Variants in OXR1 observed in about 807,000 individuals in gnomAD.
OXR1 encodes oxidation resistance protein 1.
Under a neutral mutation model 104.6 loss-of-function variants are expected in OXR1, and 41 were observed. The ratio of observed to expected loss-of-function variants is 0.39; its 90% CI spans 0.31 to 0.51. The LOEUF (loss-of-function observed/expected upper bound fraction) is 0.51, where lower values mean the gene tolerates loss of function less well. Among genes scored for constraint, OXR1 ranks in the 20% least tolerant of loss-of-function variants. The pLI is 0.77. For synonymous variants in OXR1, 348 were observed against 348.4 expected (o/e 1.00, Z 0.01); for missense variants, 955 against 1,031.9 (o/e 0.93, Z 1.02).
At chr8:106,434,961 A>G (rs1419869476) in intron 2 of OXR1, among the ~76,000 whole-genome samples, 2 of 152,136 alleles carry the variant, frequency 1.3e-5, no homozygotes, top group African/African-American at 2.4e-5. Context: ...GACCATTGCT[A>G]TGAAGCATAT....
chr8:106,676,567 G>A (rs1193061090), intron 3 of OXR1, among the ~76,000 whole-genome samples: 1 of 152,058 alleles, frequency 6.6e-6, no homozygotes, highest in South Asian at 2.1e-4. Flanking sequence ...AGTTTGGCCA[G>A]ATGTGAAATT....
At chr8:106,427,633 A>G (rs936444035) in intron 2 of OXR1, among the ~76,000 whole-genome samples, 5 of 152,166 alleles carry the variant, frequency 3.3e-5, no homozygotes, top group African/African-American at 1.2e-4. Context: ...TTAGCATAGG[A>G]ATATTAATTT....
intron 1 of OXR1, among the ~76,000 whole-genome samples, chr8:106,350,223 T>C (rs1467369321): frequency 3.3e-5 from 5 of 152,202 alleles, no homozygotes; most frequent in South Asian, 2.1e-4. Flanking sequence ...AAGTTGTCTT[T>C]ATAGTTCATA....
chr8:106,331,032 A>C (rs1814693512), intron 1 of OXR1, among the ~76,000 whole-genome samples: 1 of 152,214 alleles, frequency 6.6e-6, no homozygotes, highest in Non-Finnish European at 1.5e-5. Flanking sequence ...TTCATATTAG[A>C]ATTACTTTAT....
chr8:106,657,702 C>G, intron 3 of OXR1: 1 of 411,230 alleles, frequency 2.4e-6, no homozygotes, highest in South Asian at 1.2e-4. Context: ...GAAGAATACA[C>G]CTATGTGACA....
intron 1 of OXR1, among the ~76,000 whole-genome samples, chr8:106,350,037 G>A (rs1265008990): frequency 6.6e-6 from 1 of 152,164 alleles, no homozygotes; most frequent in East Asian, 1.9e-4. Flanking sequence ...TGAATACAGG[G>A]AAGAAGTGAG....
chr8:106,415,745 C>T (rs75231488), intron 2 of OXR1, among the ~76,000 whole-genome samples: 2 of 152,026 alleles, frequency 1.3e-5, no homozygotes, highest in Non-Finnish European at 2.9e-5. Context: ...ATTTTTGCCT[C>T]TTTGTCTGCA....
At chr8:106,720,409 C>A (rs1168152487) in intron 11 of OXR1, among the ~76,000 whole-genome samples, 3 of 152,110 alleles carry the variant, frequency 2.0e-5, no homozygotes, top group Non-Finnish European at 2.9e-5. Context: ...TTGTGTTAAA[C>A]ATATACAATA....
chr8:106,319,227 C>T (rs1563715417), intron 1 of OXR1, among the ~76,000 whole-genome samples: 1 of 152,184 alleles, frequency 6.6e-6, no homozygotes, highest in African/African-American at 2.4e-5. Context: ...AGCCTTCTGT[C>T]TAGCAGATAG....
chr8:106,571,954 C>T (rs745318406), intron 3 of OXR1, among the ~76,000 whole-genome samples: 31 of 152,154 alleles, frequency 2.0e-4, no homozygotes, highest in Non-Finnish European at 3.4e-4. Flanking sequence ...ATGCTCTGCC[C>T]TCCAGGTAGA....
intron 2 of OXR1, among the ~76,000 whole-genome samples, chr8:106,387,819 G>C (rs1164346932): frequency 6.6e-6 from 1 of 152,172 alleles, no homozygotes; most frequent in Non-Finnish European, 1.5e-5. Flanking sequence ...CTCTTGAGTA[G>C]TATGCATCAC....
chr8:106,284,163 T>C (rs1812399985), intron 1 of OXR1, among the ~76,000 whole-genome samples: 1 of 151,976 alleles, frequency 6.6e-6, no homozygotes, highest in Non-Finnish European at 1.5e-5. Flanking sequence ...GGATGTCAGT[T>C]AGACTACCTG....
intron 1 of OXR1, 131 bp downstream of exon 1, chr8:106,270,498 C>G (rs1488085156): frequency 3.9e-5 from 6 of 152,540 alleles, no homozygotes; most frequent in African/African-American, 1.4e-4. Flanking sequence ...TGGCGCCTCT[C>G]CGAGCCACTT....
chr8:106,554,431 C>T (rs1816107691), intron 3 of OXR1, among the ~76,000 whole-genome samples: 2 of 152,140 alleles, frequency 1.3e-5, no homozygotes. Flanking sequence ...AATGCAGGAT[C>T]CTGGATTGGA....
chr8:106,295,731 T>A (rs1406430381), intron 1 of OXR1, among the ~76,000 whole-genome samples: 1 of 152,184 alleles, frequency 6.6e-6, no homozygotes, highest in African/African-American at 2.4e-5. Context: ...TTCAAGAGAT[T>A]TTTTGAACAT....
At chr8:106,736,581 T>C (rs1834398348) in intron 11 of OXR1, among the ~76,000 whole-genome samples, 1 of 152,202 alleles carries the variant, frequency 6.6e-6, no homozygotes, top group Non-Finnish European at 1.5e-5. Context: ...GCGTTCACTG[T>C]AGTATGGTAA....
At chr8:106,681,191 G>A (rs1828111228) in intron 4 of OXR1, among the ~76,000 whole-genome samples, 1 of 152,080 alleles carries the variant, frequency 6.6e-6, no homozygotes. Flanking sequence ...AGAATAAAAT[G>A]TGTTATTATT....
intron 2 of OXR1, among the ~76,000 whole-genome samples, chr8:106,390,192 G>A (rs1042899171): frequency 3.3e-5 from 5 of 152,064 alleles, no homozygotes; most frequent in Non-Finnish European, 7.4e-5. Context: ...ATACATTCAT[G>A]TTTAAAAATC....
intron 6 of OXR1, among the ~76,000 whole-genome samples, chr8:106,684,742 G>T (rs1285363121): frequency 1.3e-5 from 2 of 152,066 alleles, no homozygotes; most frequent in Non-Finnish European, 2.9e-5. Context: ...GAACTCTTGA[G>T]TTTAATTTTG....
Sources: gnomAD v4.1 joint callset for allele counts (sites outside exome capture counted in the v4.1 genomes callset) on GRCh38, gnomAD v4.1.1 for gene constraint, MANE v1.5 for transcripts, NCBI Gene and HGNC (gene_info 2026-07-23, HGNC 2026-07-21) for gene names.